CTNNA2: variants seen among roughly 807,000 people sequenced by gnomAD.
The protein encoded by CTNNA2 is catenin alpha-2.
Under a neutral mutation model 101.0 loss-of-function variants are expected in CTNNA2, and 42 were observed. The ratio of observed to expected loss-of-function variants is 0.42; its 90% confidence interval spans 0.32 to 0.54. The LOEUF is 0.54. CTNNA2 is among the 20% of genes least tolerant of loss of function. The pLI is 0.14. For missense variants in CTNNA2, 871 were observed against 1,223.1 expected, an observed-to-expected ratio of 0.71 and a Z score of 4.29; for synonymous variants, 450 against 456.4, an observed-to-expected ratio of 0.99 and a Z score of 0.18.
At position 80,342,837 on chromosome 2, in the gene CTNNA2, A is replaced by G. The variant is rs1363753127; in HGVS notation, c.1057-50374A>G. Among the ~76,000 whole-genome samples the G allele has an allele frequency of 4.6e-5, 7 of 152,186 alleles. No individual in the cohort carries two copies. The East Asian group carries it at 1.3e-3, about 29-fold the overall frequency. On this transcript the variant is annotated intron_variant, in intron 7 of 18. Transcript: ENST00000402739. ...ACATTGGGTAGCTTAAACAACAGAA[A>G]TGTATTGTGTCACAGTTCGGGAGGA...
chr2:79,421,793 T>A (rs1678542523), intron 4 of CTNNA2, among the ~76,000 whole-genome samples: 1 of 152,132 alleles, frequency 6.6e-6, no homozygotes, highest in Non-Finnish European at 1.5e-5. Context: ...GGCTGTAGGA[T>A]GTTAGGAGAA....
intron 7 of CTNNA2, among the ~76,000 whole-genome samples, chr2:80,159,580 A>G (rs1390287277): frequency 6.6e-6 from 1 of 152,028 alleles, no homozygotes; most frequent in Non-Finnish European, 1.5e-5. Context: ...GTCCATTTCT[A>G]ATTTCTCCTG....
At chr2:79,980,168 T>C (rs116051104) in intron 7 of CTNNA2, among the ~76,000 whole-genome samples, 1,555 of 152,294 alleles carry the variant, frequency 0.01, 18 homozygotes, top group African/African-American at 0.035. Context: ...TGTTCTATGA[T>C]TAAGTAAACT....
intron 7 of CTNNA2, among the ~76,000 whole-genome samples, chr2:80,225,041 A>G (rs1708797173): frequency 6.6e-6 from 1 of 152,078 alleles, no homozygotes; most frequent in Admixed American, 6.6e-5. Context: ...ACCCCATTCT[A>G]GTGTGTCAGT....
intron 1 of CTNNA2, among the ~76,000 whole-genome samples, chr2:79,571,199 C>T (rs1262592783): frequency 1.3e-5 from 2 of 152,014 alleles, no homozygotes; most frequent in South Asian, 2.1e-4. Flanking sequence ...GCCTGTTTTC[C>T]ATTTCTCATT....
At chr2:79,494,475 G>T (rs557275283) in intron 4 of CTNNA2, among the ~76,000 whole-genome samples, 3 of 152,070 alleles carry the variant, frequency 2.0e-5, no homozygotes, top group African/African-American at 7.2e-5. Flanking sequence ...GTAGATCTAT[G>T]GATTACAGTA....
chr2:79,817,497 C>T (rs1233181341), intron 3 of CTNNA2, among the ~76,000 whole-genome samples: 1 of 151,986 alleles, frequency 6.6e-6, no homozygotes, highest in African/African-American at 2.4e-5. Context: ...TGCACTTCCA[C>T]TCCTCTGGCA....
chr2:80,637,129 A>G (rs1167874544), intron 18 of CTNNA2, among the ~76,000 whole-genome samples: 3 of 152,174 alleles, frequency 2.0e-5, no homozygotes, highest in African/African-American at 2.4e-5. Flanking sequence ...AGATGTAGGA[A>G]AAGAGAAACA....
chr2:79,853,557 C>T (rs1680893766), intron 3 of CTNNA2, among the ~76,000 whole-genome samples: 1 of 152,172 alleles, frequency 6.6e-6, no homozygotes, highest in Admixed American at 6.5e-5. Context: ...AAGGAAAGAG[C>T]CACAGGATAT....
chr2:79,590,119 C>A (rs1206034805), intron 1 of CTNNA2, among the ~76,000 whole-genome samples: 2 of 152,146 alleles, frequency 1.3e-5, no homozygotes, highest in African/African-American at 4.8e-5. Context: ...AAAAACATTT[C>A]TTTAAATCCC....
At chr2:79,243,715 GA>G (rs1301479418) in intron 2 of CTNNA2, among the ~76,000 whole-genome samples, 1 of 152,156 alleles carries the variant, frequency 6.6e-6, no homozygotes, top group Non-Finnish European at 1.5e-5. Flanking sequence ...TGAGGATCAG[GA>G]AAAGTCTTCC....
chr2:80,481,385 A>G (rs12465892), intron 9 of CTNNA2, among the ~76,000 whole-genome samples: 57,728 of 151,942 alleles, frequency 0.38, 12,042 homozygotes, highest in East Asian at 0.67. Context: ...TACCTGCTTC[A>G]TAGGGTTGTT....
chr2:80,251,883 A>G (rs911286834), intron 7 of CTNNA2, among the ~76,000 whole-genome samples: 12 of 152,160 alleles, frequency 7.9e-5, no homozygotes, highest in African/African-American at 2.9e-4. Flanking sequence ...CACATTTTGA[A>G]ATCCCTGTTC....
intron 4 of CTNNA2, among the ~76,000 whole-genome samples, chr2:79,420,027 T>C (rs1415669965): frequency 1.3e-5 from 2 of 152,126 alleles, no homozygotes; most frequent in Non-Finnish European, 2.9e-5. Flanking sequence ...CCAGCCTAGT[T>C]ATGAAATGGC....
At chr2:79,290,324 T>C (rs1295381825) in intron 2 of CTNNA2, among the ~76,000 whole-genome samples, 1 of 152,154 alleles carries the variant, frequency 6.6e-6, no homozygotes, top group Non-Finnish European at 1.5e-5. Flanking sequence ...GCAACTGCCC[T>C]GGAGTGTGGT....
At chr2:79,342,260 A>G (rs1312083278) in intron 3 of CTNNA2, among the ~76,000 whole-genome samples, 1 of 152,196 alleles carries the variant, frequency 6.6e-6, no homozygotes, top group Non-Finnish European at 1.5e-5. Context: ...TTTACTTGCT[A>G]TCAGAGATTG....
chr2:79,627,582 C>CA (rs1679403511), intron 1 of CTNNA2, among the ~76,000 whole-genome samples: 1 of 152,212 alleles, frequency 6.6e-6, no homozygotes, highest in South Asian at 2.1e-4. Flanking sequence ...TCTTTATAAA[C>CA]ATATGGTCTA....
intron 8 of CTNNA2, among the ~76,000 whole-genome samples, chr2:80,406,695 C>T (rs1272220069): frequency 6.6e-6 from 1 of 151,380 alleles, no homozygotes; most frequent in Non-Finnish European, 1.5e-5. Flanking sequence ...GGTGTGGTGG[C>T]GGGCGCCTGT....
At chr2:80,487,600 A>T (rs1011255307) in intron 9 of CTNNA2, among the ~76,000 whole-genome samples, 1 of 152,176 alleles carries the variant, frequency 6.6e-6, no homozygotes, top group African/African-American at 2.4e-5. Context: ...AACTGCCCCC[A>T]TGATTCAATT....
Sources: allele counts gnomAD v4.1 joint callset (sites outside exome capture counted in the v4.1 genomes callset), GRCh38; gene constraint gnomAD v4.1.1; transcripts MANE v1.5; gene names NCBI Gene and HGNC (gene_info 2026-07-23, HGNC 2026-07-21).